IL1RAPL2: variants seen among roughly 807,000 people sequenced by gnomAD.
IL1RAPL2 encodes interleukin 1 receptor accessory protein like 2.
Under a neutral mutation model 44.1 loss-of-function variants are expected in IL1RAPL2, and 3 were observed. That is an observed-to-expected ratio of 0.07 (90% CI 0.03 to 0.18). IL1RAPL2 has a LOEUF of 0.18. IL1RAPL2 is among the 10% of genes least tolerant of loss of function. The pLI is 1.00. For missense variants in IL1RAPL2, 391 were observed against 496.4 expected (o/e 0.79, Z 2.02); for synonymous variants, 181 against 178.8 (o/e 1.01, Z -0.10).
chrX:105,440,209 G>T (rs2035910922), intron 5 of IL1RAPL2, among the ~76,000 whole-genome samples: 1 of 111,820 alleles, frequency 8.9e-6, no homozygotes, highest in African/African-American at 3.2e-5. Flanking sequence ...CAGATGATCT[G>T]CTCAACAATG....
intron 2 of IL1RAPL2, among the ~76,000 whole-genome samples, chrX:104,923,167 C>T (rs1924687714): frequency 9.0e-6 from 1 of 111,254 alleles, no homozygotes; most frequent in African/African-American, 3.3e-5. Flanking sequence ...GTAAAGTGAC[C>T]AAACCTACAA....
intron 2 of IL1RAPL2, among the ~76,000 whole-genome samples, chrX:105,085,789 T>C (rs1442552751): frequency 8.9e-6 from 1 of 112,349 alleles, no homozygotes; most frequent in Non-Finnish European, 1.9e-5. Context: ...TTCTGTTTAC[T>C]GGAAGCCTTA....
At chrX:105,147,619 A>G (rs1040751031) in intron 2 of IL1RAPL2, among the ~76,000 whole-genome samples, 8 of 111,807 alleles carry the variant, frequency 7.2e-5, no homozygotes, top group Non-Finnish European at 1.5e-4. Context: ...TTCACTTAGC[A>G]TAATATTTTC....
intron 2 of IL1RAPL2, among the ~76,000 whole-genome samples, chrX:104,851,095 C>T (rs774443853): frequency 1.8e-5 from 2 of 110,634 alleles, no homozygotes; most frequent in South Asian, 3.9e-4. Flanking sequence ...CTGGTATTTT[C>T]GATGGCGTCG....
intron 1 of IL1RAPL2, among the ~76,000 whole-genome samples, chrX:104,580,338 G>A (rs969614326): frequency 1.8e-5 from 2 of 112,495 alleles, no homozygotes; most frequent in African/African-American, 6.5e-5. Flanking sequence ...TCATTTTATA[G>A]ACATTACAAG....
chrX:105,686,348 G>A (rs1458372664), intron 6 of IL1RAPL2, among the ~76,000 whole-genome samples: 1 of 81,846 alleles, frequency 1.2e-5, no homozygotes, highest in Non-Finnish European at 2.3e-5. Context: ...AAAATAAAGG[G>A]ATGGAGGAAG....
At chrX:105,496,405 C>T (rs888191554) in intron 6 of IL1RAPL2, among the ~76,000 whole-genome samples, 3 of 112,117 alleles carry the variant, frequency 2.7e-5, no homozygotes, top group Non-Finnish European at 5.6e-5. Flanking sequence ...ACTCTCTTAG[C>T]TCAATTATGG....
intron 6 of IL1RAPL2, among the ~76,000 whole-genome samples, chrX:105,684,255 G>T (rs1367368263): frequency 8.9e-6 from 1 of 112,478 alleles, no homozygotes; most frequent in Non-Finnish European, 1.9e-5. Context: ...AAGCACAAGG[G>T]GTTGGGGGAT....
At chrX:104,881,013 C>A (rs1395403830) in intron 2 of IL1RAPL2, among the ~76,000 whole-genome samples, 1 of 111,740 alleles carries the variant, frequency 8.9e-6, no homozygotes, top group Non-Finnish European at 1.9e-5. Context: ...AACAGCACTA[C>A]ACCCTTTTAA....
intron 2 of IL1RAPL2, among the ~76,000 whole-genome samples, chrX:105,008,663 A>C (rs1040827390): frequency 1.8e-5 from 2 of 111,370 alleles, no homozygotes; most frequent in African/African-American, 6.5e-5. Flanking sequence ...AGGAAAACCT[A>C]GGCAATACCA....
intron 2 of IL1RAPL2, among the ~76,000 whole-genome samples, chrX:104,829,615 A>G (rs940698396): frequency 1.8e-5 from 2 of 112,470 alleles, no homozygotes; most frequent in African/African-American, 6.5e-5. Flanking sequence ...AAATAATCTG[A>G]TTCAACCTTT....
At chrX:104,742,611 G>C (rs905530073) in intron 2 of IL1RAPL2, among the ~76,000 whole-genome samples, 11 of 111,682 alleles carry the variant, frequency 9.8e-5, no homozygotes, top group African/African-American at 3.6e-4. Flanking sequence ...ACTCACAGTT[G>C]ATTTTTTTAA....
At chrX:105,305,806 T>G (rs1486253011) in intron 5 of IL1RAPL2, among the ~76,000 whole-genome samples, 1 of 111,843 alleles carries the variant, frequency 8.9e-6, no homozygotes, top group Admixed American at 9.5e-5. Context: ...GATACAAAAT[T>G]AAATGGTGGA....
intron 2 of IL1RAPL2, among the ~76,000 whole-genome samples, chrX:105,075,437 G>T (rs773027005): frequency 9.0e-6 from 1 of 111,060 alleles, no homozygotes; most frequent in African/African-American, 3.3e-5. Flanking sequence ...TGCTGGATTC[G>T]GTTTGCCAGT....
In IL1RAPL2 at chrX:105,196,680, T is replaced by C. The variant is rs2033675153; in HGVS notation, c.356+932T>C. On this transcript the variant is annotated intron_variant, in intron 3 of 10. Transcript: ENST00000372582. ...AAGAAGTTTACAGTAAAAAGCAATATGTTTTTTCCCTTAGGGATTCTACAG... is the reference window on the plus strand; with the variant it reads ...AAGAAGTTTACAGTAAAAAGCAATACGTTTTTTCCCTTAGGGATTCTACAG... Among the ~76,000 whole-genome samples the C allele has an allele frequency of 2.7e-5, 3 of 111,423 alleles. No homozygotes were observed. The South Asian group carries it at 1.1e-3, about 43-fold the overall frequency.
chrX:105,061,987 A>G (rs946666703), intron 2 of IL1RAPL2, among the ~76,000 whole-genome samples: 3 of 111,338 alleles, frequency 2.7e-5, no homozygotes, highest in Non-Finnish European at 5.7e-5. Context: ...CAGCCACTCT[A>G]TATCTTTTGA....
intron 2 of IL1RAPL2, among the ~76,000 whole-genome samples, chrX:105,163,516 T>C (rs2033344874): frequency 8.9e-6 from 1 of 112,372 alleles, no homozygotes; most frequent in South Asian, 3.7e-4. Context: ...TGGAAGGATT[T>C]TATTTTTCAT....
intron 4 of IL1RAPL2, among the ~76,000 whole-genome samples, chrX:105,243,615 T>C (rs967815612): frequency 5.8e-5 from 6 of 103,957 alleles, no homozygotes; most frequent in Non-Finnish European, 1.2e-4. Context: ...ATTTTTTTTT[T>C]ACAAAAGAGT....
intron 5 of IL1RAPL2, among the ~76,000 whole-genome samples, chrX:105,443,982 C>T (rs1395067537): frequency 8.9e-6 from 1 of 112,247 alleles, no homozygotes; most frequent in African/African-American, 3.2e-5. Context: ...GTTCCCTTTT[C>T]TCCACGTCCT....
Sources: allele counts gnomAD v4.1 joint callset (sites outside exome capture counted in the v4.1 genomes callset), GRCh38; gene constraint gnomAD v4.1.1; transcripts MANE v1.5; gene names NCBI Gene and HGNC (gene_info 2026-07-23, HGNC 2026-07-21).